Variants in GRM5 observed in about 807,000 individuals in gnomAD.
GRM5 encodes the protein glutamate metabotropic receptor 5.
In GRM5, 19 loss-of-function variants were observed where a neutral mutation model predicts 83.1. The ratio of observed to expected loss-of-function variants is 0.23; its 90% CI spans 0.16 to 0.34. The LOEUF (loss-of-function observed/expected upper bound fraction) is 0.34. GRM5 is among the 10% of genes least tolerant of loss of function. The pLI, the probability that GRM5 is intolerant of heterozygous loss-of-function variation, is 1.00. For missense variants in GRM5, 1,160 were observed against 1,588.3 expected (o/e 0.73, Z 4.58); for synonymous variants, 675 against 633.6 (o/e 1.07, Z -0.98).
At chr11:89,050,730 G>A (rs759899378) in intron 1 of GRM5, among the ~76,000 whole-genome samples, 3 of 152,132 alleles carry the variant, frequency 2.0e-5, no homozygotes, top group Admixed American at 6.5e-5. Context: ...GTGATAGACT[G>A]GATAAAGAAA....
At chr11:88,727,701 T>C (rs1362104347) in intron 3 of GRM5, among the ~76,000 whole-genome samples, 2 of 151,860 alleles carry the variant, frequency 1.3e-5, no homozygotes, top group African/African-American at 4.8e-5. Flanking sequence ...CAGACCACAG[T>C]GCATTAGAAC....
At chr11:88,868,528 C>T (rs1944709515) in intron 2 of GRM5, among the ~76,000 whole-genome samples, 1 of 151,720 alleles carries the variant, frequency 6.6e-6, no homozygotes, top group Non-Finnish European at 1.5e-5. Flanking sequence ...TATTTTGCTA[C>T]TAACTTCTTA....
intron 7 of GRM5, among the ~76,000 whole-genome samples, chr11:88,572,808 G>A (rs1405401558): frequency 6.6e-6 from 1 of 152,096 alleles, no homozygotes; most frequent in Non-Finnish European, 1.5e-5. Context: ...GTAATGGTAA[G>A]TTACTGGAAG....
chr11:88,767,103 C>T (rs1942638371), intron 3 of GRM5, among the ~76,000 whole-genome samples: 1 of 151,910 alleles, frequency 6.6e-6, no homozygotes, highest in African/African-American at 2.4e-5. Flanking sequence ...CCATCTTCAG[C>T]CTCCCAGTAT....
intron 2 of GRM5, among the ~76,000 whole-genome samples, chr11:88,850,415 A>G (rs1944370279): frequency 6.6e-6 from 1 of 152,140 alleles, no homozygotes; most frequent in Non-Finnish European, 1.5e-5. Flanking sequence ...GCAATTCATC[A>G]TCCTTTTATG....
intron 4 of GRM5, among the ~76,000 whole-genome samples, chr11:88,626,109 A>G (rs1046474679): frequency 6.6e-6 from 1 of 152,208 alleles, no homozygotes; most frequent in Non-Finnish European, 1.5e-5. Context: ...AATTGAGAGC[A>G]GCCTTTACAA....
At chr11:88,630,909 A>G (rs1002895814) in intron 4 of GRM5, among the ~76,000 whole-genome samples, 75 of 152,128 alleles carry the variant, frequency 4.9e-4, no homozygotes, top group African/African-American at 1.5e-3. Context: ...AAGATCTTTC[A>G]CATCATTTCT....
At chr11:88,814,443 A>T (rs1590878069) in intron 3 of GRM5, among the ~76,000 whole-genome samples, 1 of 152,200 alleles carries the variant, frequency 6.6e-6, no homozygotes, top group African/African-American at 2.4e-5. Context: ...ATTGAATCGA[A>T]CAGTACTCAG....
At chr11:88,782,079 C>T (rs1942985819) in intron 3 of GRM5, among the ~76,000 whole-genome samples, 1 of 151,928 alleles carries the variant, frequency 6.6e-6, no homozygotes. Context: ...TACTGTATTG[C>T]ATGGTATTTA....
In GRM5 at chr11:88,507,109, G is replaced by A. The variant is rs139877200; in HGVS notation, c.*1483C>T. On this transcript the variant is annotated 3_prime_UTR_variant, in exon 10 of 10. Coordinates refer to ENST00000305447, the MANE Select transcript of GRM5 (RefSeq NM_001143831.3). ...ACAGTGGATTCAGGTCTTGAACTAT[G>A]AATTCTACCTATTTGAGACTATCAA... is the stretch of plus-strand genomic sequence containing the variant. 2 of 152,192 alleles carry A rather than the reference G, an allele frequency of 1.3e-5. No homozygotes were observed. Among genetic ancestry groups the A allele is most frequent in the Admixed American group, 1.3e-4 (2 of 15,300 alleles). 9.4% of individuals were successfully genotyped at this position (152,192 alleles called of 1,614,324 possible). A position where few individuals can be genotyped will look rare whatever the true frequency, so the allele number is the denominator to read the frequency against.
Position 88,928,444 on chromosome 11 carries a change from A to ATG in GRM5, c.662-78290_662-78289insCA, listed in dbSNP as rs1252053389. On this transcript the variant is annotated intron_variant, in intron 2 of 9. Transcript: ENST00000305447. ...TTCATCTATGGATTGACAATCTATC[A>ATG]TATGTGTGTGTGTGTGTGTGTATAT... Among the ~76,000 whole-genome samples the ATG allele has an allele frequency of 4.6e-4, 20 of 43,066 alleles. 1 individual carries two copies. The South Asian group carries it at 0.016, about 35-fold the overall frequency. The allele number at this position is 43,066 out of a possible 152,430, so 28.3% of individuals were successfully genotyped here. A position where few individuals can be genotyped will look rare whatever the true frequency, so the allele number is the denominator to read the frequency against.
At chr11:88,847,937 G>T (rs1246853131) in intron 3 of GRM5, among the ~76,000 whole-genome samples, 1 of 152,116 alleles carries the variant, frequency 6.6e-6, no homozygotes, top group South Asian at 2.1e-4. Context: ...AGTGTACATG[G>T]GATCAAAGAA....
At chr11:88,657,631 T>A (rs541499369) in intron 3 of GRM5, among the ~76,000 whole-genome samples, 1 of 152,298 alleles carries the variant, frequency 6.6e-6, no homozygotes, top group Admixed American at 6.5e-5. Flanking sequence ...TCCTTTCAAC[T>A]CTAATTCCTA....
chr11:88,825,697 TG>T (rs1943884034), intron 3 of GRM5, among the ~76,000 whole-genome samples: 1 of 152,198 alleles, frequency 6.6e-6, no homozygotes, highest in Non-Finnish European at 1.5e-5. Context: ...TGGACTCAAA[TG>T]ATTACAGCTT....
At chr11:88,693,531 G>T (rs1425039501) in intron 3 of GRM5, among the ~76,000 whole-genome samples, 2 of 152,158 alleles carry the variant, frequency 1.3e-5, no homozygotes, top group East Asian at 1.9e-4. Context: ...ATGACACTAG[G>T]CTGGGAGCTT....
intron 4 of GRM5, among the ~76,000 whole-genome samples, chr11:88,652,037 G>GT (rs1939646137): frequency 6.6e-6 from 1 of 151,944 alleles, no homozygotes; most frequent in African/African-American, 2.4e-5. Context: ...CTAGAATTGG[G>GT]TAATGGACCA....
intron 2 of GRM5, among the ~76,000 whole-genome samples, chr11:88,983,391 T>A (rs1322170842): frequency 1.3e-5 from 2 of 152,212 alleles, no homozygotes; most frequent in Non-Finnish European, 2.9e-5. Flanking sequence ...CAGAATGTTT[T>A]GGTCAACAAG....
chr11:88,717,659 C>A (rs1027916717), intron 3 of GRM5, among the ~76,000 whole-genome samples: 1 of 151,618 alleles, frequency 6.6e-6, no homozygotes, highest in East Asian at 1.9e-4. Context: ...AATTATGTTT[C>A]TGAATAATAT....
At position 88,834,790 on chromosome 11, in the gene GRM5, T is replaced by C. The variant is rs182411396; in HGVS notation, c.911+15116A>G. Among the ~76,000 whole-genome samples the C allele has an allele frequency of 3.7e-3, 562 of 152,310 alleles. 2 individuals are homozygous for C. The highest frequency in any genetic ancestry group is 0.017 in the South Asian group (82 of 4,826). On this transcript the variant is annotated intron_variant, in intron 3 of 9. Coordinates refer to ENST00000305447, the MANE Select transcript of GRM5 (RefSeq NM_001143831.3). ...TAAGAAAAGCTATGAAATAGACCTGTCATAAACTCATGGGGAGGGTGTCCT... is the reference window on the plus strand; with the variant it reads ...TAAGAAAAGCTATGAAATAGACCTGCCATAAACTCATGGGGAGGGTGTCCT...
Sources: gnomAD v4.1 joint callset for allele counts (sites outside exome capture counted in the v4.1 genomes callset) on GRCh38, gnomAD v4.1.1 for gene constraint, MANE v1.5 for transcripts, NCBI Gene and HGNC (gene_info 2026-07-23, HGNC 2026-07-21) for gene names.